ZBTB20: variants seen among roughly 807,000 people sequenced by gnomAD.
The protein encoded by ZBTB20 is zinc finger and BTB domain containing 20, also known as zinc finger and BTB domain-containing protein 20.
Under a neutral mutation model 56.9 loss-of-function variants are expected in ZBTB20, and 9 were observed. The observed-to-expected ratio is 0.16, with a 90% CI of 0.10 to 0.28. The LOEUF is 0.28. ZBTB20 is among the 10% of genes least tolerant of loss of function. The pLI, the probability that ZBTB20 is intolerant of heterozygous loss-of-function variation, is 1.00. For synonymous variants in ZBTB20, 417 were observed against 420.7 expected, an observed-to-expected ratio of 0.99 and a Z score of 0.11; for missense variants, 655 against 1,003.0, an observed-to-expected ratio of 0.65 and a Z score of 4.69.
At chr3:114,401,627 C>T (rs763270238) in intron 7 of ZBTB20, among the ~76,000 whole-genome samples, 5 of 152,132 alleles carry the variant, frequency 3.3e-5, no homozygotes, top group African/African-American at 1.2e-4. Context: ...CTTTCTTTGA[C>T]GGAGATGACT....
rs550814374 is a variant in ZBTB20, at chr3:114,765,689, C to G, written c.-343+35412G>C. Among the ~76,000 whole-genome samples the G allele has an allele frequency of 9.2e-5, 14 of 152,174 alleles. No homozygotes were observed. The South Asian group carries it at 2.9e-3, about 32-fold the overall frequency. ...TTATCAGGAAATCATCATGTAAAGA[C>G]TAAATCAAGTTCAGAATATATTGTT... On this transcript the variant is annotated intron_variant, in intron 5 of 11. Transcript: ENST00000675478.
intron 1 of ZBTB20, among the ~76,000 whole-genome samples, chr3:115,107,570 T>C (rs904588421): frequency 6.6e-6 from 1 of 152,248 alleles, no homozygotes; most frequent in African/African-American, 2.4e-5. Context: ...TCAACCATTG[T>C]GGAAGACAGT....
At chr3:114,615,753 A>G (rs2057893117) in intron 6 of ZBTB20, among the ~76,000 whole-genome samples, 1 of 152,212 alleles carries the variant, frequency 6.6e-6, no homozygotes, top group Non-Finnish European at 1.5e-5. Context: ...GTATTTATAG[A>G]CACAAAGATA....
chr3:115,002,841 A>T (rs1473969755), intron 2 of ZBTB20, among the ~76,000 whole-genome samples: 1 of 151,662 alleles, frequency 6.6e-6, no homozygotes, highest in East Asian at 1.9e-4. Flanking sequence ...ATTATGTTCC[A>T]CAAAATCCTA....
chr3:114,989,440 T>C (rs978583567), intron 2 of ZBTB20, among the ~76,000 whole-genome samples: 1 of 152,180 alleles, frequency 6.6e-6, no homozygotes, highest in Non-Finnish European at 1.5e-5. Context: ...CTGAGGGCTC[T>C]GTTCTGTTCC....
At chr3:114,493,362 ACAGTT>A (rs1415632563) in intron 7 of ZBTB20, among the ~76,000 whole-genome samples, 2 of 152,178 alleles carry the variant, frequency 1.3e-5, no homozygotes, top group Non-Finnish European at 2.9e-5. Flanking sequence ...CAGGTGTTGT[ACAGTT>A]ATGTTTCCAT....
intron 6 of ZBTB20, among the ~76,000 whole-genome samples, chr3:114,633,648 T>C (rs1483894224): frequency 6.6e-6 from 1 of 152,104 alleles, no homozygotes; most frequent in Non-Finnish European, 1.5e-5. Context: ...CAGGGTCCAG[T>C]TTTCTAATCA....
rs139726914 is a variant in ZBTB20 at position 114,391,633 on chromosome 3, T to C, written c.-254-2528A>G. Among the ~76,000 whole-genome samples, 90 of 152,374 alleles carry C rather than the reference T, an allele frequency of 5.9e-4. 1 individual carries two copies. The highest frequency in any genetic ancestry group is 2.5e-3 in the Admixed American group (38 of 15,308). ...ACTCTGAGTACCCTATAGTGGGCCA[T>C]GACTTCTTGCACGTTAAGTTTGCAC... On this transcript the variant is annotated intron_variant, in intron 7 of 11. Transcript: ENST00000675478.
chr3:114,515,468 C>T (rs2045874798), intron 6 of ZBTB20, among the ~76,000 whole-genome samples: 1 of 152,184 alleles, frequency 6.6e-6, no homozygotes, highest in South Asian at 2.1e-4. Context: ...CTTGATGCTC[C>T]TGCAGAATTA....
intron 1 of ZBTB20, among the ~76,000 whole-genome samples, chr3:115,113,243 G>A (rs1363773902): frequency 6.6e-6 from 1 of 152,114 alleles, no homozygotes; most frequent in African/African-American, 2.4e-5. Context: ...TGTTTAAAAG[G>A]TTTAATTTTA....
At chr3:114,410,191 C>T (rs751214483) in intron 7 of ZBTB20, among the ~76,000 whole-genome samples, 6 of 151,932 alleles carry the variant, frequency 3.9e-5, no homozygotes, top group African/African-American at 9.7e-5. Flanking sequence ...TGAGAATCAG[C>T]GAACTCCATG....
intron 10 of ZBTB20, among the ~76,000 whole-genome samples, chr3:114,360,749 C>T (rs1288678521): frequency 6.6e-6 from 1 of 152,020 alleles, no homozygotes; most frequent in Non-Finnish European, 1.5e-5. Flanking sequence ...AAAAGTAAAT[C>T]TGTTTTGTTG....
intron 5 of ZBTB20, among the ~76,000 whole-genome samples, chr3:114,751,800 T>C (rs2067580548): frequency 6.6e-6 from 1 of 152,176 alleles, no homozygotes; most frequent in Non-Finnish European, 1.5e-5. Context: ...CATAATGTCA[T>C]TTATCTACTG....
intron 2 of ZBTB20, among the ~76,000 whole-genome samples, chr3:115,050,725 G>A (rs2081514539): frequency 1.3e-5 from 2 of 151,818 alleles, no homozygotes; most frequent in South Asian, 2.1e-4. Context: ...ACTTTTCACC[G>A]AAACTTTTAT....
chr3:114,984,052 A>G (rs2078435212), intron 2 of ZBTB20, among the ~76,000 whole-genome samples: 1 of 151,874 alleles, frequency 6.6e-6, no homozygotes. Flanking sequence ...TATTGATATG[A>G]TACACACTCC....
intron 7 of ZBTB20, among the ~76,000 whole-genome samples, chr3:114,404,117 T>C (rs1244831498): frequency 6.6e-6 from 1 of 152,206 alleles, no homozygotes; most frequent in Non-Finnish European, 1.5e-5. Context: ...AGAAGTCAAA[T>C]AGTAAATACT....
chr3:114,738,137 AC>A (rs2066312144), intron 5 of ZBTB20, among the ~76,000 whole-genome samples: 1 of 152,064 alleles, frequency 6.6e-6, no homozygotes, highest in Admixed American at 6.6e-5. Context: ...TCTCTAAATA[AC>A]TTCTTTATTT....
intron 2 of ZBTB20, among the ~76,000 whole-genome samples, chr3:115,052,907 C>A (rs1164320504): frequency 6.6e-6 from 1 of 152,090 alleles, no homozygotes; most frequent in Non-Finnish European, 1.5e-5. Flanking sequence ...AATTTTCATT[C>A]TTTAATTGAA....
chr3:114,326,056 A>G lies in ZBTB20; in HGVS notation c.*12949T>C, dbSNP rs1268933467. On this transcript the variant is annotated 3_prime_UTR_variant, in exon 12 of 12. Coordinates refer to ENST00000675478, the MANE Select transcript of ZBTB20 (RefSeq NM_001348800.3). Reference sequence around the variant, plus strand: ...GCAATGGGGAAACAGGTGTTTCTCTACTTAAGACTTCATGAACACATACAG... The same window carrying G: ...GCAATGGGGAAACAGGTGTTTCTCTGCTTAAGACTTCATGAACACATACAG... 1 of 152,080 alleles carries G rather than the reference A, an allele frequency of 6.6e-6. No homozygotes were observed. The allele number at this position is 152,080 out of a possible 1,614,324, so 9.4% of individuals were successfully genotyped here.
Sources: allele counts gnomAD v4.1 joint callset (sites outside exome capture counted in the v4.1 genomes callset), GRCh38; gene constraint gnomAD v4.1.1; transcripts MANE v1.5; gene names NCBI Gene and HGNC (gene_info 2026-07-23, HGNC 2026-07-21).